The following USP34 variants were observed in gnomAD, a reference collection of about 807,000 sequenced individuals.
USP34 encodes ubiquitin carboxyl-terminal hydrolase 34.
A neutral mutation model predicts 460.3 loss-of-function variants in USP34; 70 were observed. That is an observed-to-expected ratio of 0.15 (90% CI 0.13 to 0.19). USP34 has a LOEUF of 0.19. USP34 is among the 10% of genes least tolerant of loss of function. USP34 has a pLI of 1.00. For synonymous variants in USP34, 1,647 were observed against 1,405.3 expected (o/e 1.17, Z -3.85); for missense variants, 3,985 against 4,236.2 (o/e 0.94, Z 1.65).
chr2:61,357,358 G>T (rs1313655225), intron 10 of USP34, among the ~76,000 whole-genome samples: 1 of 151,858 alleles, frequency 6.6e-6, no homozygotes, highest in Non-Finnish European at 1.5e-5. Context: ...GAAATCACAA[G>T]GGAAATTAGA....
chr2:61,384,599 G>A (rs1224260260), intron 5 of USP34, among the ~76,000 whole-genome samples: 1 of 152,122 alleles, frequency 6.6e-6, no homozygotes, highest in African/African-American at 2.4e-5. Context: ...CTTGAACCCA[G>A]GAGGTGGAAG....
At chr2:61,220,114 G>A in intron 67 of USP34, 196 bp downstream of exon 67, 2 of 441,546 alleles carry the variant, frequency 4.5e-6, no homozygotes, top group Non-Finnish European at 7.3e-6. Context: ...TGATAGTAGT[G>A]ATGATGTTAC....
chr2:61,317,871 A>G, intron 22 of USP34, 104 bp from the exon 23 acceptor site: 1 of 748,260 alleles, frequency 1.3e-6, no homozygotes, highest in South Asian at 2.4e-5. Flanking sequence ...AAGGAAACAG[A>G]TCAGTTTGAA....
intron 2 of USP34, among the ~76,000 whole-genome samples, chr2:61,410,335 C>T (rs1694001524): frequency 6.6e-6 from 1 of 152,172 alleles, no homozygotes; most frequent in Non-Finnish European, 1.5e-5. Context: ...ATGCACAGTT[C>T]ACAACATGAT....
chr2:61,424,570 C>T (rs1157946345), intron 1 of USP34, among the ~76,000 whole-genome samples: 1 of 152,122 alleles, frequency 6.6e-6, no homozygotes, highest in African/African-American at 2.4e-5. Context: ...CACTACTCAA[C>T]TATATACATA....
intron 70 of USP34, chr2:61,207,848 TC>T (rs549050472): frequency 9.2e-5 from 14 of 152,256 alleles, no homozygotes; most frequent in Non-Finnish European, 1.3e-4. Flanking sequence ...CTAAATGTTT[TC>T]CCCCTTACCT....
At chr2:61,332,100 G>A (rs1387162347) in intron 19 of USP34, among the ~76,000 whole-genome samples, 4 of 152,028 alleles carry the variant, frequency 2.6e-5, no homozygotes, top group Non-Finnish European at 5.9e-5. Context: ...AAGACTTTGG[G>A]TTTGAAGGCA....
chr2:61,380,472 C>G (rs1692937444), intron 6 of USP34, 111 bp from the exon 7 acceptor site: 1 of 1,114,484 alleles, frequency 9.0e-7, no homozygotes, highest in Non-Finnish European at 1.2e-6. Context: ...GTGTCCAAAA[C>G]CCACAAACCT....
At chr2:61,325,540 A>G in intron 20 of USP34, 83 bp from the exon 21 acceptor site, 2 of 729,772 alleles carry the variant, frequency 2.7e-6, no homozygotes, top group Admixed American at 3.8e-5. Flanking sequence ...TGCATAACTT[A>G]TACCAAAAAT....
intron 1 of USP34, among the ~76,000 whole-genome samples, chr2:61,437,751 C>T (rs1465621616): frequency 1.4e-5 from 2 of 145,174 alleles, no homozygotes; most frequent in Non-Finnish European, 3.0e-5. Context: ...CCAGCCTGGG[C>T]AACAGAGCGA....
chr2:61,278,782 A>AT (rs1339118100), intron 39 of USP34, among the ~76,000 whole-genome samples: 2 of 132,836 alleles, frequency 1.5e-5, no homozygotes, highest in African/African-American at 2.7e-5. Context: ...TTAAAGTATA[A>AT]TAAAAAAAAA....
At chr2:61,373,661 A>C (rs757573717) in intron 8 of USP34, among the ~76,000 whole-genome samples, 8 of 152,218 alleles carry the variant, frequency 5.3e-5, no homozygotes, top group South Asian at 2.1e-4. Context: ...TTAAAAGGAG[A>C]AACACACAAT....
chr2:61,333,266 C>T (rs1691323626), intron 19 of USP34, among the ~76,000 whole-genome samples: 1 of 151,920 alleles, frequency 6.6e-6, no homozygotes, highest in Admixed American at 6.6e-5. Context: ...GTTGAATATC[C>T]CTTATCCAAA....
chr2:61,283,162 T>C lies in USP34; in HGVS notation c.4981A>G (p.Thr1661Ala). 1 of 1,613,178 alleles carries C rather than the reference T, an allele frequency of 6.2e-7. No homozygotes were observed. ...DHLQDWLKKL[T>A]LLIPETAVRH... ...TATCTTACCTCAGGAATAAGGAGAG[T>C]CAATTTCTTTAGCCAATCTTGTAAA... is the stretch of plus-strand genomic sequence containing the variant. Residue 1661 changes from threonine (T) to alanine (A), a missense_variant, in exon 37 of 80, where the codon ACT (threonine) becomes GCT (alanine). Thr to Ala is a moderately conservative substitution (Grantham distance 58). Coordinates refer to ENST00000398571, the MANE Select transcript of USP34 (RefSeq NM_014709.4).
chr2:61,290,739 C>A (rs2103976087), intron 33 of USP34, among the ~76,000 whole-genome samples: 1 of 152,226 alleles, frequency 6.6e-6, no homozygotes, highest in East Asian at 1.9e-4. Context: ...AAAACTCACT[C>A]TTTAAAATGA....
chr2:61,438,276 G>GA (rs1694871644), intron 1 of USP34, among the ~76,000 whole-genome samples: 1 of 151,972 alleles, frequency 6.6e-6, no homozygotes, highest in African/African-American at 2.4e-5. Flanking sequence ...AATAGAATCG[G>GA]AAAAAGCATT....
chr2:61,403,478 T>C (rs1400101514), intron 3 of USP34, among the ~76,000 whole-genome samples: 11 of 152,326 alleles, frequency 7.2e-5, no homozygotes, highest in South Asian at 4.1e-4. Flanking sequence ...ATGGTGTTTA[T>C]GTAGATTAAA....
At chr2:61,425,813 T>C (rs1573029330) in intron 1 of USP34, among the ~76,000 whole-genome samples, 1 of 151,340 alleles carries the variant, frequency 6.6e-6, no homozygotes, top group Non-Finnish European at 1.5e-5. Context: ...GCCAATGGAG[T>C]GCTGGCATCA....
Position 61,408,420 on chromosome 2 carries a change from G to C in USP34, c.132-2292C>G, listed in dbSNP as rs751151780. On this transcript the variant is annotated intron_variant, in intron 2 of 79. Transcript: ENST00000398571. ...ATAATTATAAATATATATAAATAAT[G>C]CATCACATCTTTTTTATCTGTGGCA... Among the ~76,000 whole-genome samples, 50 of 152,092 alleles carry C rather than the reference G, an allele frequency of 3.3e-4. 1 individual carries two copies. The highest frequency in any genetic ancestry group is 1.5e-4 in the Non-Finnish European group (10 of 68,006).
Sources: allele counts gnomAD v4.1 joint callset (sites outside exome capture counted in the v4.1 genomes callset), GRCh38; gene constraint gnomAD v4.1.1; transcripts MANE v1.5; gene names NCBI Gene and HGNC (gene_info 2026-07-23, HGNC 2026-07-21).